Variants in COG1 observed in about 807,000 individuals in gnomAD.
COG1 encodes component of oligomeric golgi complex 1.
Under a neutral mutation model 102.2 loss-of-function variants are expected in COG1, and 61 were observed. The observed-to-expected ratio is 0.60, with a 90% confidence interval of 0.49 to 0.74. The LOEUF (loss-of-function observed/expected upper bound fraction) is 0.74. COG1 is among the 30% of genes least tolerant of loss of function. The pLI, the probability that COG1 is intolerant of heterozygous loss-of-function variation, is 0.00. For missense variants in COG1, 1,164 were observed against 1,232.1 expected (o/e 0.94, Z 0.83); for synonymous variants, 454 against 493.6 (o/e 0.92, Z 1.06).
intron 11 of COG1, 80 bp downstream of exon 11, chr17:73,206,342 A>G (rs1262626321): frequency 2.8e-6 from 3 of 1,082,672 alleles, no homozygotes; most frequent in Non-Finnish European, 4.3e-6. Context: ...TCAAGCACGT[A>G]ATACTCCAGG....
chr17:73,199,930 T>TG lies in COG1; in HGVS notation c.979_980insG (p.Ser327CysfsTer33). ...CAGCTGGTTTAAACACCTGCCAGCATCCATCGTCGAGTTCCAGCCAACACT... is the reference window on the plus strand; with the variant it reads ...CAGCTGGTTTAAACACCTGCCAGCATGCCATCGTCGAGTTCCAGCCAACACT... On this transcript the variant is annotated frameshift_variant, in exon 5 of 14. Coordinates refer to ENST00000299886, the MANE Select transcript of COG1 (RefSeq NM_018714.3). LOFTEE classifies it high-confidence loss of function. 1 of 1,614,202 alleles carries TG rather than the reference T, an allele frequency of 6.2e-7. No individual in the cohort carries two copies. The highest frequency in any genetic ancestry group is 2.2e-5 in the East Asian group (1 of 44,882).
chr17:73,203,125 C>T lies in COG1; in HGVS notation c.2199C>T (p.Ser733=). 1 of 1,614,178 alleles carries T rather than the reference C, an allele frequency of 6.2e-7. No homozygotes were observed. The highest frequency in any genetic ancestry group is 1.3e-5 in the African/African-American group (1 of 75,036). ...CAGAGTCTGGCAGCAGTGTCACATC[C>T]AAGATCCGACTCCCTGCACAGGTGA... The part of the protein sequence containing the change: ...EEAESGSSVT[S]KIRLPAQPSW... Residue 733 remains serine (S), a synonymous_variant, in exon 8 of 14, where the codon TCC becomes TCT. Coordinates refer to ENST00000299886, the MANE Select transcript of COG1 (RefSeq NM_018714.3).
chr17:73,199,772 CTG>C (rs1476606677), intron 4 of COG1, 91 bp from the exon 5 acceptor site: 3 of 1,474,212 alleles, frequency 2.0e-6, no homozygotes, highest in African/African-American at 2.8e-5. Flanking sequence ...TGAGGTTTCA[CTG>C]TGTTGCCCAA....
At position 73,197,305 on chromosome 17, in the gene COG1, C is replaced by T. The variant is rs747727663; in HGVS notation, c.822C>T (p.Tyr274=). The part of the protein sequence containing the change: ...TTLKQAHALF[Y]TLPEGLLPDP... The stretch of plus-strand genomic sequence containing the variant: ...TGAAGCAAGCTCATGCCCTTTTCTA[C>T]ACTTTGCCAGAAGGACTGCTGCCAG... The change falls in exon 4 of 14, where the codon TAC becomes TAT. Residue 274 remains tyrosine, a synonymous_variant. Transcript: ENST00000299886. 1.2e-6 allele frequency: 2 copies of T among 1,614,228 alleles called. No homozygotes were observed. Among genetic ancestry groups the T allele is most frequent in the Non-Finnish European group, 8.5e-7 (1 of 1,180,050 alleles).
intron 1 of COG1, among the ~76,000 whole-genome samples, chr17:73,195,816 G>A (rs536204185): frequency 2.0e-5 from 3 of 152,332 alleles, no homozygotes; most frequent in South Asian, 2.1e-4. Context: ...AGGAGGCTGA[G>A]GCAGGAGAAT....
rs769317853 is a variant in COG1 at position 73,197,311 on chromosome 17, G to T, written c.828G>T (p.Leu276Phe). The T allele has an allele frequency of 1.3e-5, 21 of 1,614,206 alleles. No individual in the cohort carries two copies. The highest frequency in any genetic ancestry group is 1.7e-5 in the Non-Finnish European group (20 of 1,180,036). The change falls in exon 4 of 14, where the codon TTG (leucine) becomes TTT (phenylalanine). Residue 276 changes from leucine to phenylalanine, a missense_variant. Leu to Phe is a conservative substitution (Grantham distance 22). Coordinates refer to ENST00000299886, the MANE Select transcript of COG1 (RefSeq NM_018714.3). ...AAGCTCATGCCCTTTTCTACACTTT[G>T]CCAGAAGGACTGCTGCCAGATCCAG... ...LKQAHALFYT[L>F]PEGLLPDPAL...
Position 73,197,150 on chromosome 17 carries a change from T to G in COG1, c.742+69T>G, listed in dbSNP as rs1035402646. 4 of 1,612,554 alleles carry G rather than the reference T, an allele frequency of 2.5e-6. No homozygotes were observed. The East Asian group carries it at 6.7e-5, about 27-fold the overall frequency. Reference sequence around the variant, plus strand: ...TGGAGAAGGGTGAGCTGCGGGAGACTGAAGCCTCCAGAGCGTCCTCTGTCT... The same window carrying G: ...TGGAGAAGGGTGAGCTGCGGGAGACGGAAGCCTCCAGAGCGTCCTCTGTCT... On this transcript the variant is annotated intron_variant, in intron 3 of 13. Transcript: ENST00000299886.
In COG1 at chr17:73,207,199, G is replaced by A. The variant is rs371822437; in HGVS notation, c.2748G>A (p.Leu916=). Residue 916 remains leucine, a synonymous_variant, in exon 13 of 14, where the codon CTG becomes CTA. Coordinates refer to ENST00000299886, the MANE Select transcript of COG1 (RefSeq NM_018714.3). ...SSQIRFGLLP[L]SMTSTRKAKS... ...TTTGGAGGTTTGGACTTCTCCCACTGAGCATGACAAGCACTCGAAAGGCTA... is the reference window on the plus strand; with the variant it reads ...TTTGGAGGTTTGGACTTCTCCCACTAAGCATGACAAGCACTCGAAAGGCTA... 5.5e-5 allele frequency: 89 copies of A among 1,613,080 alleles called. No individual in the cohort carries two copies. Among genetic ancestry groups the A allele is most frequent in the Non-Finnish European group, 7.5e-5 (89 of 1,179,834 alleles).
rs1453193372 is a variant in COG1 at position 73,193,162 on chromosome 17, C to G, written c.93C>G (p.Arg31=). Residue 31 remains arginine (R), a synonymous_variant, in exon 1 of 14, where the codon CGC becomes CGG. Coordinates refer to ENST00000299886, the MANE Select transcript of COG1 (RefSeq NM_018714.3). ...LFETHGAEEI[R]GLERQVRAEI... ...AGACGCATGGAGCGGAGGAGATCCGCGGGCTGGAGCGCCAGGTTCGGGCCG... is the reference window on the plus strand; with the variant it reads ...AGACGCATGGAGCGGAGGAGATCCGGGGGCTGGAGCGCCAGGTTCGGGCCG... 1 of 1,607,800 alleles carries G rather than the reference C, an allele frequency of 6.2e-7. No individual in the cohort carries two copies. Among genetic ancestry groups the G allele is most frequent in the Non-Finnish European group, 8.5e-7 (1 of 1,177,854 alleles).
Position 73,197,207 on chromosome 17 carries a change from G to A in COG1, c.743-19G>A. On this transcript the variant is annotated intron_variant, in intron 3 of 13. Transcript: ENST00000299886. The stretch of plus-strand genomic sequence containing the variant: ...TTGGGAAAGGTAATTGTTTCAAAGA[G>A]GATGGTTTCTTCTTTTAGGTGCTGG... 1 of 1,614,162 alleles carries A rather than the reference G, an allele frequency of 6.2e-7. No individual in the cohort carries two copies. Among genetic ancestry groups the A allele is most frequent in the Non-Finnish European group, 8.5e-7 (1 of 1,180,000 alleles).
At chr17:73,195,030 C>T (rs2061320148) in intron 1 of COG1, among the ~76,000 whole-genome samples, 1 of 152,334 alleles carries the variant, frequency 6.6e-6, no homozygotes, top group Middle Eastern at 3.4e-3. Context: ...GACCTCATCC[C>T]TCCCAAAGCT....
intron 1 of COG1, among the ~76,000 whole-genome samples, chr17:73,194,222 C>T (rs921970958): frequency 6.8e-6 from 1 of 147,754 alleles, no homozygotes; most frequent in African/African-American, 2.5e-5. Context: ...GCGGGTGGAT[C>T]ACGAGGTCAG....
Position 73,193,086 on chromosome 17 carries a change from C to G in COG1, c.17C>G (p.Thr6Ser), listed in dbSNP as rs762772074. The change falls in exon 1 of 14, where the codon ACC becomes AGC. Residue 6 changes from threonine to serine, a missense_variant. Physicochemically the swap from Thr to Ser is moderately conservative, Grantham distance 58. Transcript: ENST00000299886. The part of the protein sequence containing the change: MATAA[T>S]SPALKRLDLR... ...GAGTGCACCATGGCCACCGCGGCAACCTCACCCGCGCTGAAGCGGCTGGAT... is the reference window on the plus strand; with the variant it reads ...GAGTGCACCATGGCCACCGCGGCAAGCTCACCCGCGCTGAAGCGGCTGGAT... 6.2e-7 allele frequency: 1 copy of G among 1,612,060 alleles called. No individual in the cohort carries two copies. Among genetic ancestry groups the G allele is most frequent in the Non-Finnish European group, 8.5e-7 (1 of 1,179,648 alleles).
chr17:73,204,191 A>G (rs1246036074), intron 9 of COG1, among the ~76,000 whole-genome samples: 1 of 152,168 alleles, frequency 6.6e-6, no homozygotes. Context: ...AAAAATCAAA[A>G]AACAATGAAA....
rs1259443273 is a variant in COG1, at chr17:73,196,989, T to C, written c.650T>C (p.Leu217Pro). 6.2e-7 allele frequency: 1 copy of C among 1,614,194 alleles called. No individual in the cohort carries two copies. The highest frequency in any genetic ancestry group is 1.3e-5 in the African/African-American group (1 of 75,048). The change falls in exon 3 of 14, where the codon CTC (leucine) becomes CCC (proline). Residue 217 changes from leucine (L) to proline (P), a missense_variant. Leu to Pro is a moderately conservative substitution (Grantham distance 98). Coordinates refer to ENST00000299886, the MANE Select transcript of COG1 (RefSeq NM_018714.3). Reference protein sequence around the residue: ...AVAEALCSIMLLEESSPRQAL... With the variant: ...AVAEALCSIMPLEESSPRQAL... Reference sequence around the variant, plus strand: ...GCCGAGGCCCTGTGCTCTATAATGCTCTTAGAAGAGAGTTCTCCTCGCCAA... The same window carrying C: ...GCCGAGGCCCTGTGCTCTATAATGCCCTTAGAAGAGAGTTCTCCTCGCCAA...
At position 73,193,168 on chromosome 17, in the gene COG1, G is replaced by A. The variant is rs1434195740; in HGVS notation, c.99G>A (p.Leu33=). The A allele has an allele frequency of 6.2e-7, 1 of 1,607,984 alleles. No individual in the cohort carries two copies. The change falls in exon 1 of 14, where the codon CTG becomes CTA. Residue 33 remains leucine, a synonymous_variant. Coordinates refer to ENST00000299886, the MANE Select transcript of COG1 (RefSeq NM_018714.3). ...ATGGAGCGGAGGAGATCCGCGGGCT[G>A]GAGCGCCAGGTTCGGGCCGAGATCG... The part of the protein sequence containing the change: ...ETHGAEEIRG[L]ERQVRAEIEH...
intron 1 of COG1, among the ~76,000 whole-genome samples, chr17:73,194,441 C>CA (rs572388712): frequency 0.46 from 24,978 of 54,676 alleles, 6,222 homozygotes; most frequent in East Asian, 0.58. Flanking sequence ...GACTCTGTCT[C>CA]AAAAAAAAAA....
chr17:73,204,313 T>C (rs1490817375), intron 9 of COG1, among the ~76,000 whole-genome samples: 1 of 152,190 alleles, frequency 6.6e-6, no homozygotes, highest in Non-Finnish European at 1.5e-5. Context: ...CCAAATGTGA[T>C]CCTGTAGATA....
chr17:73,202,026 T>C, intron 7 of COG1, 126 bp downstream of exon 7: 2 of 1,074,956 alleles, frequency 1.9e-6, no homozygotes, highest in African/African-American at 1.6e-5. Flanking sequence ...TAACTTTATC[T>C]CTGCCAGAAA....
Sources: allele counts gnomAD v4.1 joint callset (sites outside exome capture counted in the v4.1 genomes callset), GRCh38; gene constraint gnomAD v4.1.1; transcripts MANE v1.5; gene names NCBI Gene and HGNC (gene_info 2026-07-23, HGNC 2026-07-21).